The following FBXL17 variants were observed in gnomAD, a reference collection of about 807,000 sequenced individuals.
FBXL17 encodes F-box and leucine rich repeat protein 17.
In FBXL17, 22 loss-of-function variants were observed where a neutral mutation model predicts 66.2. That is an observed-to-expected ratio of 0.33 (90% CI 0.24 to 0.47). The LOEUF (loss-of-function observed/expected upper bound fraction) is 0.47, where lower values mean the gene tolerates loss of function less well. FBXL17 is among the 20% of genes least tolerant of loss of function. The probability of loss-of-function intolerance (pLI) is 1.00; values close to 1 mark genes in which losing one functional copy is unlikely to be tolerated. For synonymous variants in FBXL17, 474 were observed against 400.5 expected, an observed-to-expected ratio of 1.18 and a Z score of -2.19; for missense variants, 878 against 948.2, an observed-to-expected ratio of 0.93 and a Z score of 0.97.
chr5:108,251,865 T>G (rs1000485933), intron 4 of FBXL17, among the ~76,000 whole-genome samples: 1 of 152,122 alleles, frequency 6.6e-6, no homozygotes, highest in Non-Finnish European at 1.5e-5. Flanking sequence ...ATTATGTGGC[T>G]GAGATATAGA....
At chr5:107,974,996 T>C (rs1368951752) in intron 7 of FBXL17, among the ~76,000 whole-genome samples, 1 of 152,192 alleles carries the variant, frequency 6.6e-6, no homozygotes, top group Non-Finnish European at 1.5e-5. Context: ...ATAATGTTAA[T>C]GCATCATTTA....
At chr5:108,232,776 C>T (rs1272458144) in intron 4 of FBXL17, among the ~76,000 whole-genome samples, 3 of 42,642 alleles carry the variant, frequency 7.0e-5, no homozygotes, top group African/African-American at 2.9e-4. Flanking sequence ...ACTGAATAAG[C>T]TCTCACATAT....
intron 7 of FBXL17, among the ~76,000 whole-genome samples, chr5:107,907,619 C>G (rs1280329970): frequency 6.6e-6 from 1 of 152,036 alleles, no homozygotes; most frequent in South Asian, 2.1e-4. Flanking sequence ...ACAACCCCAT[C>G]AAAAAGTGGG....
At chr5:108,006,789 T>C in intron 7 of FBXL17, among the ~76,000 whole-genome samples, 1 of 152,218 alleles carries the variant, frequency 6.6e-6, no homozygotes, top group East Asian at 1.9e-4. Context: ...TTCAACTTTC[T>C]TCACTGTTCA....
At chr5:108,089,187 T>G (rs1016958052) in intron 6 of FBXL17, among the ~76,000 whole-genome samples, 3 of 152,196 alleles carry the variant, frequency 2.0e-5, no homozygotes, top group African/African-American at 7.2e-5. Context: ...CATCTCTCAC[T>G]TGGACTGCAA....
At chr5:108,184,519 G>C (rs1753145748) in intron 6 of FBXL17, among the ~76,000 whole-genome samples, 2 of 151,938 alleles carry the variant, frequency 1.3e-5, no homozygotes, top group African/African-American at 4.8e-5. Flanking sequence ...ATGTTAGCCA[G>C]GATGGTCTGG....
At chr5:108,145,072 C>T (rs1751503647) in intron 6 of FBXL17, among the ~76,000 whole-genome samples, 1 of 152,086 alleles carries the variant, frequency 6.6e-6, no homozygotes, top group Non-Finnish European at 1.5e-5. Context: ...GCTTCACTAT[C>T]AGTTTCACAA....
chr5:108,289,651 C>T (rs1758032702), intron 4 of FBXL17, among the ~76,000 whole-genome samples: 1 of 152,148 alleles, frequency 6.6e-6, no homozygotes, highest in African/African-American at 2.4e-5. Context: ...CAGGCAAATG[C>T]TGCCATGACA....
intron 6 of FBXL17, among the ~76,000 whole-genome samples, chr5:108,120,675 A>T (rs79649293): frequency 0.022 from 3,343 of 152,208 alleles, 111 homozygotes; most frequent in African/African-American, 0.075. Context: ...CTACAAAAAA[A>T]CATAAAAATC....
intron 4 of FBXL17, chr5:108,298,143 T>A: frequency 1.0e-6 from 1 of 972,760 alleles, no homozygotes; most frequent in Non-Finnish European, 1.2e-6. Flanking sequence ...GTTTTTCTTT[T>A]TAGGGAGCAA....
intron 7 of FBXL17, among the ~76,000 whole-genome samples, chr5:107,937,982 T>G (rs956525317): frequency 6.6e-6 from 1 of 152,164 alleles, no homozygotes; most frequent in Admixed American, 6.6e-5. Flanking sequence ...AGACCTGAAC[T>G]GACCACATCT....
intron 6 of FBXL17, among the ~76,000 whole-genome samples, chr5:108,063,958 C>T (rs1311605499): frequency 6.6e-6 from 1 of 152,046 alleles, no homozygotes. Flanking sequence ...AACAAAGACA[C>T]ATTAACATGA....
At chr5:108,329,033 G>A (rs533549394) in intron 4 of FBXL17, among the ~76,000 whole-genome samples, 2 of 152,136 alleles carry the variant, frequency 1.3e-5, no homozygotes, top group Admixed American at 6.5e-5. Context: ...GCTCCAAGGT[G>A]CTTTTCATTA....
chr5:108,187,906 C>CTAG (rs1360054714), intron 5 of FBXL17, among the ~76,000 whole-genome samples: 1 of 152,168 alleles, frequency 6.6e-6, no homozygotes, highest in African/African-American at 2.4e-5. Flanking sequence ...CAAGAGAAGA[C>CTAG]TAGACACTTG....
intron 4 of FBXL17, among the ~76,000 whole-genome samples, chr5:108,288,383 C>A (rs996728781): frequency 6.7e-6 from 1 of 150,264 alleles, no homozygotes; most frequent in Non-Finnish European, 1.5e-5. Flanking sequence ...AAAAATGGGA[C>A]CAACAGACTG....
chr5:108,043,765 T>C (rs1390165134), intron 6 of FBXL17, among the ~76,000 whole-genome samples: 2 of 152,186 alleles, frequency 1.3e-5, no homozygotes, highest in African/African-American at 4.8e-5. Context: ...TCTGAGATTT[T>C]GATAGAAATT....
chr5:108,082,079 A>T (rs561062073), intron 6 of FBXL17, among the ~76,000 whole-genome samples: 5 of 152,210 alleles, frequency 3.3e-5, no homozygotes, highest in Non-Finnish European at 7.3e-5. Flanking sequence ...CACAGACTCA[A>T]CTATAATCCT....
At chr5:108,283,787 C>T (rs796233660) in intron 4 of FBXL17, among the ~76,000 whole-genome samples, 2 of 151,858 alleles carry the variant, frequency 1.3e-5, no homozygotes, top group African/African-American at 4.8e-5. Context: ...ATTCATCCAA[C>T]AGGGGACTAA....
intron 4 of FBXL17, among the ~76,000 whole-genome samples, chr5:108,327,050 A>G (rs1256042774): frequency 2.0e-5 from 3 of 152,252 alleles, no homozygotes; most frequent in Admixed American, 2.0e-4. Flanking sequence ...TATATGAAAT[A>G]CTTAAAAACT....
Sources: gnomAD v4.1 joint callset for allele counts (sites outside exome capture counted in the v4.1 genomes callset) on GRCh38, gnomAD v4.1.1 for gene constraint, MANE v1.5 for transcripts, NCBI Gene and HGNC (gene_info 2026-07-23, HGNC 2026-07-21) for gene names.